Variants in HPF1 observed in about 807,000 individuals in gnomAD.
HPF1 encodes the protein histone PARylation factor 1, also known as UPF0609 protein C4orf27.
Under a neutral mutation model 38.8 loss-of-function variants are expected in HPF1, and 35 were observed. The ratio of observed to expected loss-of-function variants is 0.90; its 90% CI spans 0.69 to 1.19. The LOEUF (loss-of-function observed/expected upper bound fraction) is 1.19, where lower values mean the gene tolerates loss of function less well. Among genes scored for constraint, HPF1 ranks in the 50% most tolerant of loss-of-function variants. HPF1 has a pLI of 0.00. For missense variants in HPF1, 367 were observed against 405.8 expected, an observed-to-expected ratio of 0.90 and a Z score of 0.82; for synonymous variants, 115 against 139.2, an observed-to-expected ratio of 0.83 and a Z score of 1.22.
At chr4:169,733,732 C>CA in intron 6 of HPF1, among the ~76,000 whole-genome samples, 1 of 151,890 alleles carries the variant, frequency 6.6e-6, no homozygotes, top group East Asian at 1.9e-4. Flanking sequence ...CCTGTCTCTA[C>CA]AAAAAATAGA....
intron 4 of HPF1, among the ~76,000 whole-genome samples, chr4:169,742,927 C>A (rs1484906477): frequency 6.6e-6 from 1 of 151,682 alleles, no homozygotes; most frequent in Non-Finnish European, 1.5e-5. Flanking sequence ...ATAGTGAAAC[C>A]CTGTCTCCAC....
intron 3 of HPF1, among the ~76,000 whole-genome samples, chr4:169,749,217 A>C (rs1734086797): frequency 1.3e-5 from 2 of 152,200 alleles, no homozygotes; most frequent in Admixed American, 1.3e-4. Flanking sequence ...AGTATTATAA[A>C]TATTGCAAAG....
intron 5 of HPF1, among the ~76,000 whole-genome samples, chr4:169,740,186 G>C (rs1733952176): frequency 6.6e-6 from 1 of 152,172 alleles, no homozygotes; most frequent in Non-Finnish European, 1.5e-5. Context: ...TGAAGTGGCA[G>C]AGAGCCAATT....
At chr4:169,735,864 T>A (rs528369424) in intron 6 of HPF1, among the ~76,000 whole-genome samples, 3 of 143,404 alleles carry the variant, frequency 2.1e-5, no homozygotes, top group South Asian at 2.2e-4. Context: ...CTAAGAGAAA[T>A]ACAGTGTGGG....
intron 3 of HPF1, 109 bp downstream of exon 3, chr4:169,750,426 AC>A: frequency 1.3e-6 from 1 of 766,454 alleles, no homozygotes; most frequent in Non-Finnish European, 2.1e-6. Context: ...TCATATATCC[AC>A]CAACAGGGGA....
chr4:169,750,725 T>A lies in HPF1; in HGVS notation c.209A>T (p.Asp70Val), dbSNP rs1325248785. 1 of 1,589,342 alleles carries A rather than the reference T, an allele frequency of 6.3e-7. No homozygotes were observed. The highest frequency in any genetic ancestry group is 1.4e-5 in the African/African-American group (1 of 73,654). ...CEELDPEKPS[D>V]SLSASLGLQL... ...AAGTCCAAGGCTTGCAGAAAGTGAATCTATAAAGAAAATAAATTTAGACAA... is the reference window on the plus strand; with the variant it reads ...AAGTCCAAGGCTTGCAGAAAGTGAAACTATAAAGAAAATAAATTTAGACAA... The change falls in exon 3 of 8, where the codon GAT becomes GTT. Residue 70 changes from aspartate to valine, a missense_variant and splice_region_variant. Physicochemically the swap from Asp to Val is radical, Grantham distance 152 (BLOSUM62 -3). Coordinates refer to ENST00000393381, the MANE Select transcript of HPF1 (RefSeq NM_017867.3).
chr4:169,749,326 T>G (rs1734087725), intron 3 of HPF1, among the ~76,000 whole-genome samples: 1 of 152,174 alleles, frequency 6.6e-6, no homozygotes, highest in Non-Finnish European at 1.5e-5. Flanking sequence ...GGACAACAGT[T>G]GTGAAAATTA....
At position 169,740,511 on chromosome 4, in the gene HPF1, C is replaced by T. The variant is rs537525961; in HGVS notation, c.648+1446G>A. Among the ~76,000 whole-genome samples the T allele has an allele frequency of 2.1e-3, 325 of 152,238 alleles. 1 individual carries two copies. Among genetic ancestry groups the T allele is most frequent in the Non-Finnish European group, 3.3e-3 (226 of 68,000 alleles). The stretch of plus-strand genomic sequence containing the variant: ...ACACACAAGGACAAAGCCACTAACT[C>T]ACATATACTAGTGGAATTGAATTCT... On this transcript the variant is annotated intron_variant, in intron 5 of 7. Transcript: ENST00000393381.
chr4:169,754,014 A>G lies in HPF1; in HGVS notation c.49-179T>C, dbSNP rs143879201. ...TGGGCACAGGAAAAAAGAGTAGTTT[A>G]TATGGTGGTTAAGAGGAATCCACAC... is the stretch of plus-strand genomic sequence containing the variant. On this transcript the variant is annotated intron_variant, in intron 1 of 7. Coordinates refer to ENST00000393381, the MANE Select transcript of HPF1 (RefSeq NM_017867.3). Among the ~76,000 whole-genome samples, 20 of 152,352 alleles carry G rather than the reference A, an allele frequency of 1.3e-4. No individual in the cohort carries two copies. The East Asian group carries it at 3.7e-3, about 28-fold the overall frequency.
Position 169,729,497 on chromosome 4 carries a change from G to A in HPF1, c.*81C>T. 1 of 1,166,290 alleles carries A rather than the reference G, an allele frequency of 8.6e-7. No homozygotes were observed. The highest frequency in any genetic ancestry group is 1.1e-6 in the Non-Finnish European group (1 of 885,116). The allele number at this position is 1,166,290 out of a possible 1,614,324, so 72.2% of individuals were successfully genotyped here. A position where few individuals can be genotyped will look rare whatever the true frequency, so the allele number is the denominator to read the frequency against. On this transcript the variant is annotated 3_prime_UTR_variant, in exon 8 of 8. Coordinates refer to ENST00000393381, the MANE Select transcript of HPF1 (RefSeq NM_017867.3). ...CGTTTTTAGTAAATGTTTATTTTTT[G>A]TATTCCTTAAAAACAAAACAAAAAT...
chr4:169,733,608 G>A (rs531891383), intron 6 of HPF1, among the ~76,000 whole-genome samples: 11 of 152,272 alleles, frequency 7.2e-5, no homozygotes, highest in Non-Finnish European at 1.3e-4. Flanking sequence ...TACCAGGGAC[G>A]GGCTGAGCGC....
rs1733915851 is a variant in HPF1 at position 169,737,674 on chromosome 4, A to T, written c.722T>A (p.Leu241His). The T allele has an allele frequency of 6.2e-7, 1 of 1,602,518 alleles. No individual in the cohort carries two copies. The highest frequency in any genetic ancestry group is 8.5e-7 in the Non-Finnish European group (1 of 1,169,672). ...VDKNDVGYRELPETDADLKRI... is the reference protein window; with the variant it reads ...VDKNDVGYREHPETDADLKRI... Reference sequence around the variant, plus strand: ...AAATACATTACCATCTGTTTCAGGGAGCTCTCGGTACCCAACATCATTTTT... The same window carrying T: ...AAATACATTACCATCTGTTTCAGGGTGCTCTCGGTACCCAACATCATTTTT... The change falls in exon 6 of 8, where the codon CTC (leucine) becomes CAC (histidine). Residue 241 changes from leucine to histidine, a missense_variant. Coordinates refer to ENST00000393381, the MANE Select transcript of HPF1 (RefSeq NM_017867.3).
intron 4 of HPF1, among the ~76,000 whole-genome samples, chr4:169,745,371 C>G (rs1472777142): frequency 6.6e-6 from 1 of 152,184 alleles, no homozygotes; most frequent in Non-Finnish European, 1.5e-5. Flanking sequence ...CAAAGCACCC[C>G]CAAGAGTCTT....
chr4:169,756,114 T>C (rs1734185827), intron 1 of HPF1, among the ~76,000 whole-genome samples: 1 of 152,228 alleles, frequency 6.6e-6, no homozygotes, highest in Non-Finnish European at 1.5e-5. Flanking sequence ...AACAAGTAGT[T>C]AAGTGATACT....
intron 6 of HPF1, among the ~76,000 whole-genome samples, chr4:169,733,189 G>A (rs1249875423): frequency 6.6e-6 from 1 of 152,160 alleles, no homozygotes; most frequent in African/African-American, 2.4e-5. Context: ...GCAAGCATGC[G>A]TTTGAGGTAA....
At chr4:169,748,575 G>T (rs1389845523) in intron 4 of HPF1, among the ~76,000 whole-genome samples, 169 bp downstream of exon 4, 1 of 152,046 alleles carries the variant, frequency 6.6e-6, no homozygotes, top group African/African-American at 2.4e-5. Context: ...GTATACCCAT[G>T]TTGTCCAGGC....
Position 169,743,705 on chromosome 4 carries a change from C to T in HPF1, c.498-1598G>A, listed in dbSNP as rs182650241. ...AAAAGGTCAGGAGTAAAATGAAGAG[C>T]GGCAAGAGTGTGCCAGACTTCCAGG... On this transcript the variant is annotated intron_variant, in intron 4 of 7. Coordinates refer to ENST00000393381, the MANE Select transcript of HPF1 (RefSeq NM_017867.3). 1.1e-4 allele frequency among the ~76,000 whole-genome samples: 16 copies of T among 152,044 alleles called. No individual in the cohort carries two copies. The East Asian group carries it at 2.1e-3, about 20-fold the overall frequency.
intron 6 of HPF1, among the ~76,000 whole-genome samples, chr4:169,737,304 A>C (rs201632641): frequency 0.063 from 9,097 of 143,710 alleles, 313 homozygotes; most frequent in South Asian, 0.11. Flanking sequence ...AAAAAAAAAA[A>C]AAACAAACAA....
chr4:169,732,137 ATTTTTTTTTTT>A, intron 6 of HPF1: 1 of 155,822 alleles, frequency 6.4e-6, no homozygotes, highest in Non-Finnish European at 1.2e-5. Flanking sequence ...TACAGTCACG[ATTTTTTTTTTT>A]TTTTTTTTTT....
Sources: allele counts gnomAD v4.1 joint callset (sites outside exome capture counted in the v4.1 genomes callset), GRCh38; gene constraint gnomAD v4.1.1; transcripts MANE v1.5; gene names NCBI Gene and HGNC (gene_info 2026-07-23, HGNC 2026-07-21).